Variants in CSMD2 observed in about 807,000 individuals in gnomAD.
CSMD2 encodes the protein CUB and sushi domain-containing protein 2.
A neutral mutation model predicts 398.5 loss-of-function variants in CSMD2; 130 were observed. The observed-to-expected ratio is 0.33, with a 90% confidence interval of 0.28 to 0.38. CSMD2 has a LOEUF of 0.38. Among genes scored for constraint, CSMD2 ranks in the 10% least tolerant of loss-of-function variants. CSMD2 has a pLI of 1.00. For synonymous variants in CSMD2, 1,828 were observed against 1,908.5 expected (o/e 0.96, Z 1.10); for missense variants, 3,829 against 4,764.9 (o/e 0.80, Z 5.78).
At chr1:34,061,377 C>T (rs974289932) in intron 2 of CSMD2, among the ~76,000 whole-genome samples, 4 of 152,130 alleles carry the variant, frequency 2.6e-5, no homozygotes, top group South Asian at 2.1e-4. Context: ...GGATTGGCCC[C>T]GTTTCGCAAC....
rs570210282 is a variant in CSMD2 at position 34,071,756 on chromosome 1, C to T, written c.404+17221G>A. On this transcript the variant is annotated intron_variant, in intron 2 of 70. Transcript: ENST00000373381. ...TAGCCTTCTCTGCCACACTGCTTAA[C>T]GTGCCATTGGAAAATAAACTGTTCG... Among the ~76,000 whole-genome samples, 10 of 152,336 alleles carry T rather than the reference C, an allele frequency of 6.6e-5. No individual in the cohort carries two copies. The South Asian group carries it at 1.5e-3, about 22-fold the overall frequency.
intron 3 of CSMD2, among the ~76,000 whole-genome samples, chr1:33,943,524 A>G (rs1644743493): frequency 6.6e-6 from 1 of 152,188 alleles, no homozygotes; most frequent in Admixed American, 6.5e-5. Flanking sequence ...TGGCCCATGA[A>G]ATAGGCAGGC....
rs1380529361 is a variant in CSMD2, at chr1:33,624,580, G to A, written c.5564C>T (p.Pro1855Leu). Reference sequence around the variant, plus strand: ...CACACAGTTGAGGCTGTTGAGGTACGGCTCTGGGAAGCCAGGGGACAGGAT... The same window carrying A: ...CACACAGTTGAGGCTGTTGAGGTACAGCTCTGGGAAGCCAGGGGACAGGAT... ...GTILSPGFPE[P>L]YLNSLNCVWK... Residue 1855 changes from proline (P) to leucine (L), a missense_variant, in exon 35 of 71, where the codon CCG (proline) becomes CTG (leucine). By Grantham distance (98) the Pro-to-Leu change is moderately conservative. Around this residue, in one of 5 missense-constraint regions of CSMD2, gnomAD observed 2,001 missense variants for 2,567.1 expected, o/e 0.78. Transcript: ENST00000373381. The surrounding 1 kb of genome is among the most constrained non-coding windows in gnomAD (Gnocchi z 4.7). The A allele has an allele frequency of 1.2e-5, 19 of 1,613,894 alleles. No homozygotes were observed. The highest frequency in any genetic ancestry group is 1.4e-5 in the Non-Finnish European group (17 of 1,179,948).
chr1:33,629,678 T>C lies in CSMD2; in HGVS notation c.5201-3097A>G, dbSNP rs74623357. Among the ~76,000 whole-genome samples the C allele has an allele frequency of 8.0e-3, 1,221 of 152,182 alleles. 18 individuals carry two copies. The highest frequency in any genetic ancestry group is 0.028 in the African/African-American group (1,159 of 41,524). ...CACTCCCATCAGTACCAATGGCTTG[T>C]TATCAGTGTTTCTCCAAATGAGGAA... On this transcript the variant is annotated intron_variant, in intron 32 of 70. Transcript: ENST00000373381.
chr1:34,070,527 C>G (rs1003897270), intron 2 of CSMD2, among the ~76,000 whole-genome samples: 4 of 152,222 alleles, frequency 2.6e-5, no homozygotes, highest in Admixed American at 2.6e-4. Flanking sequence ...GAATATGACA[C>G]TTCAATTGGA....
intron 1 of CSMD2, among the ~76,000 whole-genome samples, chr1:34,140,750 G>A (rs922491): frequency 0.72 from 109,730 of 152,050 alleles, 42,184 homozygotes; most frequent in Non-Finnish European, 0.84. Context: ...ATGCCTCTGA[G>A]AATATAGAAC....
chr1:33,606,732 G>A (rs965539080), intron 41 of CSMD2, among the ~76,000 whole-genome samples: 1 of 152,200 alleles, frequency 6.6e-6, no homozygotes, highest in Non-Finnish European at 1.5e-5. Flanking sequence ...GGGAGTGGCT[G>A]TGTGTGGGAA....
chr1:33,965,227 A>C (rs2125406362), intron 3 of CSMD2, among the ~76,000 whole-genome samples: 1 of 152,132 alleles, frequency 6.6e-6, no homozygotes, highest in African/African-American at 2.4e-5. Flanking sequence ...CCTGCTTCCC[A>C]CTTTCCACAG....
intron 1 of CSMD2, among the ~76,000 whole-genome samples, chr1:34,119,582 A>G (rs1183314703): frequency 2.6e-5 from 4 of 152,246 alleles, no homozygotes; most frequent in Non-Finnish European, 5.9e-5. Context: ...TAACTGAATG[A>G]ATAATCTGAT....
intron 64 of CSMD2, among the ~76,000 whole-genome samples, chr1:33,528,861 G>T (rs1349311550): frequency 2.0e-5 from 3 of 152,100 alleles, no homozygotes; most frequent in African/African-American, 7.2e-5. Context: ...AAAATATAAA[G>T]CATCATTGAA....
At position 34,039,674 on chromosome 1, in the gene CSMD2, A is replaced by G. The variant is rs547756288; in HGVS notation, c.405-6968T>C. Among the ~76,000 whole-genome samples the G allele has an allele frequency of 2.0e-5, 3 of 152,296 alleles. No homozygotes were observed. The East Asian group carries it at 5.8e-4, about 30-fold the overall frequency. ...AGGAGCCTGGGTAAATGTGGGCAAG[A>G]GCCTTTATTGTGGTTTTCCCAAGAA... On this transcript the variant is annotated intron_variant, in intron 2 of 70. Transcript: ENST00000373381.
chr1:34,140,301 C>G (rs4026214), intron 1 of CSMD2, among the ~76,000 whole-genome samples: 1 of 144,126 alleles, frequency 6.9e-6, no homozygotes, highest in Non-Finnish European at 1.5e-5. Flanking sequence ...TGCAAAAAAA[C>G]AAACAAACAA....
At chr1:33,795,075 G>A (rs1458520780) in intron 10 of CSMD2, among the ~76,000 whole-genome samples, 1 of 150,766 alleles carries the variant, frequency 6.6e-6, no homozygotes, top group Non-Finnish European at 1.5e-5. Flanking sequence ...GCGGGATGTG[G>A]ACCTGTAGCA....
chr1:34,039,796 G>T (rs1376325900), intron 2 of CSMD2, among the ~76,000 whole-genome samples: 1 of 152,140 alleles, frequency 6.6e-6, no homozygotes. Flanking sequence ...ACCCTTAGCT[G>T]TCTGATGTAT....
intron 32 of CSMD2, among the ~76,000 whole-genome samples, chr1:33,630,432 C>A (rs1293300999): frequency 6.6e-6 from 1 of 152,166 alleles, no homozygotes; most frequent in Non-Finnish European, 1.5e-5. Context: ...TTACTCCTAA[C>A]ACTAACTTTA....
chr1:33,642,883 G>A (rs1643193042), intron 29 of CSMD2, among the ~76,000 whole-genome samples: 1 of 152,174 alleles, frequency 6.6e-6, no homozygotes, highest in Non-Finnish European at 1.5e-5. Flanking sequence ...TTGGGAAGCT[G>A]TGTGTGGAGA....
intron 3 of CSMD2, among the ~76,000 whole-genome samples, chr1:33,946,592 A>G (rs1391028770): frequency 1.3e-5 from 2 of 152,006 alleles, no homozygotes; most frequent in Middle Eastern, 3.4e-3. Flanking sequence ...GAGGACAAAG[A>G]GATACCTTCT....
chr1:33,769,696 T>G (rs1197803949), intron 13 of CSMD2, among the ~76,000 whole-genome samples: 2 of 152,130 alleles, frequency 1.3e-5, no homozygotes, highest in African/African-American at 4.8e-5. Flanking sequence ...AAGAGTTGTT[T>G]TGAAGAAAAT....
intron 3 of CSMD2, among the ~76,000 whole-genome samples, chr1:34,021,328 T>C (rs1648843001): frequency 6.6e-6 from 1 of 152,140 alleles, no homozygotes; most frequent in Non-Finnish European, 1.5e-5. Context: ...TCCAACAGGG[T>C]CACCTGACCC....
Sources: allele counts gnomAD v4.1 joint callset (sites outside exome capture counted in the v4.1 genomes callset), GRCh38; gene constraint gnomAD v4.1.1; regional missense constraint gnomAD v4.1.1; non-coding constraint Gnocchi (gnomAD v3.1); transcripts MANE v1.5; gene names NCBI Gene and HGNC (gene_info 2026-07-23, HGNC 2026-07-21).